The following TIPIN variants were observed in gnomAD, a reference collection of about 807,000 sequenced individuals.
TIPIN encodes TIMELESS interacting protein, also known as TIMELESS-interacting protein.
In TIPIN, 29 loss-of-function variants were observed where a neutral mutation model predicts 35.6. The observed-to-expected ratio is 0.82, with a 90% CI of 0.61 to 1.11. The LOEUF (loss-of-function observed/expected upper bound fraction) is 1.11, where lower values mean the gene tolerates loss of function less well. Ranked by LOEUF, TIPIN falls within the 50% of genes most tolerant of loss-of-function variation. The probability of loss-of-function intolerance (pLI) is 0.00; values close to 1 mark genes in which losing one functional copy is unlikely to be tolerated. For missense variants in TIPIN, 296 were observed against 345.4 expected (o/e 0.86, Z 1.13); for synonymous variants, 102 against 121.5 (o/e 0.84, Z 1.06).
intron 1 of TIPIN, chr15:66,382,384 T>C (rs1383235373): frequency 1.0e-6 from 1 of 985,072 alleles, no homozygotes. Flanking sequence ...CAATTCTTGA[T>C]ATGTTTTCAT....
At chr15:66,350,376 C>T (rs527552467) in intron 4 of TIPIN, among the ~76,000 whole-genome samples, 41 of 151,784 alleles carry the variant, frequency 2.7e-4, no homozygotes, top group African/African-American at 7.5e-4. Flanking sequence ...GAGGCCGAGG[C>T]GGGTGGATGA....
At chr15:66,369,450 G>A (rs772828267) in intron 1 of TIPIN, among the ~76,000 whole-genome samples, 2 of 142,868 alleles carry the variant, frequency 1.4e-5, no homozygotes, top group Non-Finnish European at 1.5e-5. Flanking sequence ...CCGGGTTCAC[G>A]CCATTCTCCT....
At chr15:66,358,433 C>CTG (rs2093216693), upstream of TIPIN, among the ~76,000 whole-genome samples, 1 of 145,404 alleles carries the variant, frequency 6.9e-6, no homozygotes, top group African/African-American at 2.5e-5. Flanking sequence ...TTCTCTCTGT[C>CTG]TTTTTTTTTT....
Position 66,341,315 on chromosome 15 carries a change from CAGT to C in TIPIN, c.514_516del (p.Thr172del), listed in dbSNP as rs779288906. ...AAGTTTGTCAGAAAGGGATCTAATT[CAGT>C]AGAAGTGACATCATGTTCATTATTC... On this transcript the variant is annotated inframe_deletion, in exon 7 of 8. Coordinates refer to ENST00000261881, the MANE Select transcript of TIPIN (RefSeq NM_017858.3). The C allele has an allele frequency of 6.2e-7, 1 of 1,613,692 alleles. No homozygotes were observed. Among genetic ancestry groups the C allele is most frequent in the Non-Finnish European group, 8.5e-7 (1 of 1,179,998 alleles).
chr15:66,363,681 C>G (rs939328905), intron 1 of TIPIN, among the ~76,000 whole-genome samples: 1 of 147,252 alleles, frequency 6.8e-6, no homozygotes, highest in Non-Finnish European at 1.5e-5. Context: ...TTGATGACCT[C>G]ACTATCTTGA....
intron 7 of TIPIN, among the ~76,000 whole-genome samples, chr15:66,337,841 C>G (rs1266280357): frequency 6.6e-6 from 1 of 151,658 alleles, no homozygotes; most frequent in African/African-American, 2.4e-5. Context: ...TGCACTCCAG[C>G]CTGGGTGACA....
chr15:66,374,621 C>A (rs545214826), intron 1 of TIPIN, among the ~76,000 whole-genome samples: 1 of 152,066 alleles, frequency 6.6e-6, no homozygotes, highest in East Asian at 1.9e-4. Context: ...TTCTTGTTGC[C>A]CAGGCTGGAG....
intron 1 of TIPIN, among the ~76,000 whole-genome samples, chr15:66,362,894 G>T (rs2093237707): frequency 6.6e-6 from 1 of 152,122 alleles, no homozygotes; most frequent in African/African-American, 2.4e-5. Context: ...AGTGATAGTG[G>T]TCTGCTGTGT....
Position 66,336,948 on chromosome 15 carries a change from T to C in TIPIN, c.*10A>G. The C allele has an allele frequency of 6.2e-7, 1 of 1,605,152 alleles. No individual in the cohort carries two copies. Among genetic ancestry groups the C allele is most frequent in the Non-Finnish European group, 8.5e-7 (1 of 1,173,516 alleles). ...ATGACTTAACAGATACATTTTCTCT[T>C]AATGGAAACTTATCTAGCTTCAGTA... is the stretch of plus-strand genomic sequence containing the variant. On this transcript the variant is annotated 3_prime_UTR_variant, in exon 8 of 8. Coordinates refer to ENST00000261881, the MANE Select transcript of TIPIN (RefSeq NM_017858.3).
chr15:66,378,543 G>GT (rs2093306162), intron 1 of TIPIN, among the ~76,000 whole-genome samples: 1 of 152,010 alleles, frequency 6.6e-6, no homozygotes, highest in South Asian at 2.1e-4. Flanking sequence ...TGTACAAGGT[G>GT]TTTTTTCTCC....
At chr15:66,385,803 T>A (rs545403636) in intron 1 of TIPIN, among the ~76,000 whole-genome samples, 343 of 145,926 alleles carry the variant, frequency 2.4e-3, no homozygotes, top group Non-Finnish European at 2.4e-3. Flanking sequence ...AAAGTTTTTT[T>A]AAAGGGAGTC....
rs62627322 is a variant in TIPIN, at chr15:66,342,146, G to A, written c.476-790C>T. Among the ~76,000 whole-genome samples, 211 of 135,478 alleles carry A rather than the reference G, an allele frequency of 1.6e-3. 5 individuals carry two copies. The East Asian group carries it at 0.045, about 29-fold the overall frequency. 88.9% of individuals were successfully genotyped at this position (135,478 alleles called of 152,430 possible). A position where few individuals can be genotyped will look rare whatever the true frequency, so the allele number is the denominator to read the frequency against. ...CGGAGGCAGCAGTGAGCAAGATTGC[G>A]CCACTGCACTCCAGCCTGGGCTACA... On this transcript the variant is annotated intron_variant, in intron 6 of 7. Coordinates refer to ENST00000261881, the MANE Select transcript of TIPIN (RefSeq NM_017858.3).
chr15:66,380,059 T>C (rs551243789), intron 1 of TIPIN: 1 of 411,386 alleles, frequency 2.4e-6, no homozygotes, highest in African/African-American at 2.1e-5. Context: ...TGGAGTGCAG[T>C]GGCGCTATCT....
At chr15:66,340,857 A>G (rs1213378737) in intron 7 of TIPIN, among the ~76,000 whole-genome samples, 2 of 152,170 alleles carry the variant, frequency 1.3e-5, no homozygotes, top group East Asian at 1.9e-4. Flanking sequence ...TTGGCCTCCC[A>G]AAGTGCTGAG....
rs62627312 is a variant in TIPIN, at chr15:66,346,676, T to C, written c.475+2384A>G. Among the ~76,000 whole-genome samples the C allele has an allele frequency of 8.5e-5, 13 of 152,352 alleles. No homozygotes were observed. In the East Asian group the frequency reaches 2.5e-3, roughly 29 times the overall value. Reference sequence around the variant, plus strand: ...CCGGGCACCTCAAAAAGTAACCCAGTAGTATATGCTGTGGAATTTAGAACT... The same window carrying C: ...CCGGGCACCTCAAAAAGTAACCCAGCAGTATATGCTGTGGAATTTAGAACT... On this transcript the variant is annotated intron_variant, in intron 6 of 7. Transcript: ENST00000261881.
At chr15:66,346,016 G>A (rs1226830533) in intron 6 of TIPIN, among the ~76,000 whole-genome samples, 8 of 151,166 alleles carry the variant, frequency 5.3e-5, no homozygotes, top group East Asian at 1.9e-4. Flanking sequence ...GCGCAATCTC[G>A]GATCACTGCA....
chr15:66,364,031 C>T (rs977641842), intron 1 of TIPIN, among the ~76,000 whole-genome samples: 22 of 151,806 alleles, frequency 1.4e-4, no homozygotes, highest in African/African-American at 5.3e-4. Context: ...ATGAGGGATC[C>T]ACCCCCATGA....
At chr15:66,363,418 C>A (rs1433978555) in intron 1 of TIPIN, among the ~76,000 whole-genome samples, 1 of 150,416 alleles carries the variant, frequency 6.6e-6, no homozygotes, top group Non-Finnish European at 1.5e-5. Flanking sequence ...CCGAGGCGGG[C>A]GGATCACGAG....
Position 66,378,828 on chromosome 15 carries a change from C to T in TIPIN, c.-9+7779G>A, listed in dbSNP as rs76153388. Among the ~76,000 whole-genome samples, 774 of 152,004 alleles carry T rather than the reference C, an allele frequency of 5.1e-3. 7 individuals are homozygous for T. Among genetic ancestry groups the T allele is most frequent in the African/African-American group, 0.018 (737 of 41,466 alleles). On this transcript the variant is annotated intron_variant, in intron 1 of 7. Transcript: ENST00000562124. Reference sequence around the variant, plus strand: ...CATGACTCACTCTAACCTGGACCTCCGGGGCCTAAGTAATCTTCCCACCTC... The same window carrying T: ...CATGACTCACTCTAACCTGGACCTCTGGGGCCTAAGTAATCTTCCCACCTC...
Sources: gnomAD v4.1 joint callset for allele counts (sites outside exome capture counted in the v4.1 genomes callset) on GRCh38, gnomAD v4.1.1 for gene constraint, MANE v1.5 for transcripts, NCBI Gene and HGNC (gene_info 2026-07-23, HGNC 2026-07-21) for gene names.